The following SESN3 variants were observed in gnomAD, a reference collection of about 807,000 sequenced individuals.
SESN3 encodes sestrin-3.
In SESN3, 21 loss-of-function variants were observed where a neutral mutation model predicts 55.3. That is an observed-to-expected ratio of 0.38 (90% CI 0.27 to 0.55). The LOEUF is 0.55. Ranked by LOEUF, SESN3 falls within the 20% of genes least tolerant of loss-of-function variation. The pLI is 0.76. For synonymous variants in SESN3, 181 were observed against 203.1 expected, an observed-to-expected ratio of 0.89 and a Z score of 0.93; for missense variants, 408 against 604.3, an observed-to-expected ratio of 0.68 and a Z score of 3.41.
intron 1 of SESN3, among the ~76,000 whole-genome samples, chr11:95,201,728 C>T (rs1244837398): frequency 6.6e-6 from 1 of 152,032 alleles, no homozygotes; most frequent in African/African-American, 2.4e-5. Flanking sequence ...CTAGTTAGTC[C>T]TTTAAACTGG....
rs758807296 is a variant in SESN3, at chr11:95,171,086, G to T, written c.*2169C>A. 2.6e-5 allele frequency: 4 copies of T among 151,788 alleles called. No individual in the cohort carries two copies. The highest frequency in any genetic ancestry group is 5.9e-5 in the Non-Finnish European group (4 of 67,928). 9.4% of individuals were successfully genotyped at this position (151,788 alleles called of 1,614,324 possible). ...CATTTTTTATCCTGTTATACAGTTC[G>T]CCTGCACAAAAATATAGGGCTATTA... On this transcript the variant is annotated 3_prime_UTR_variant, in exon 10 of 10. Transcript: ENST00000536441.
chr11:95,216,081 G>A, intron 1 of SESN3, among the ~76,000 whole-genome samples: 1 of 130,224 alleles, frequency 7.7e-6, no homozygotes, highest in Non-Finnish European at 1.6e-5. Flanking sequence ...CTGGGCAACA[G>A]AGAGAGACTC....
chr11:95,189,231 C>G (rs935813173), intron 4 of SESN3, among the ~76,000 whole-genome samples: 1 of 151,858 alleles, frequency 6.6e-6, no homozygotes, highest in Admixed American at 6.6e-5. Context: ...TTCAGAAATA[C>G]AAGTGCTCTT....
At chr11:95,184,772 T>C (rs1346419305) in intron 5 of SESN3, among the ~76,000 whole-genome samples, 178 bp from the exon 6 acceptor site, 1 of 152,086 alleles carries the variant, frequency 6.6e-6, no homozygotes, top group Non-Finnish European at 1.5e-5. Flanking sequence ...TTTTCAGAAG[T>C]ATGATTTTTT....
intron 1 of SESN3, among the ~76,000 whole-genome samples, chr11:95,227,512 A>G (rs993707576): frequency 2.0e-5 from 3 of 152,160 alleles, no homozygotes; most frequent in African/African-American, 7.2e-5. Context: ...TCCTCAATCT[A>G]GTATTTTTCA....
Position 95,167,741 on chromosome 11 carries a change from G to A in SESN3, c.*5514C>T, listed in dbSNP as rs774843336. 6.6e-6 allele frequency: 1 copy of A among 152,074 alleles called. No homozygotes were observed. The highest frequency in any genetic ancestry group is 1.5e-5 in the Non-Finnish European group (1 of 68,008). 9.4% of individuals were successfully genotyped at this position (152,074 alleles called of 1,614,324 possible). A position where few individuals can be genotyped will look rare whatever the true frequency, so the allele number is the denominator to read the frequency against. On this transcript the variant is annotated 3_prime_UTR_variant, in exon 10 of 10. Transcript: ENST00000536441. ...ATAATAATAATCTATACTTTCAAATGGGATGGTTCATCAGGTCAGACAACT... is the reference window on the plus strand; with the variant it reads ...ATAATAATAATCTATACTTTCAAATAGGATGGTTCATCAGGTCAGACAACT...
In SESN3 at chr11:95,165,683, A is replaced by G. The variant is rs1859731354; in HGVS notation, c.*7572T>C. The G allele has an allele frequency of 6.6e-6, 1 of 152,190 alleles. No homozygotes were observed. The highest frequency in any genetic ancestry group is 2.1e-4 in the South Asian group (1 of 4,830). The allele number at this position is 152,190 out of a possible 1,614,324, so 9.4% of individuals were successfully genotyped here. ...TAAATAGATTTTCAAAATGTCATAA[A>G]AAGTGCAGTTATGAATTGTTAACAT... is the stretch of plus-strand genomic sequence containing the variant. On this transcript the variant is annotated 3_prime_UTR_variant, in exon 10 of 10. Coordinates refer to ENST00000536441, the MANE Select transcript of SESN3 (RefSeq NM_144665.4).
intron 2 of SESN3, among the ~76,000 whole-genome samples, chr11:95,192,931 T>C (rs2134236565): frequency 6.7e-6 from 1 of 148,390 alleles, no homozygotes; most frequent in East Asian, 2.0e-4. Context: ...GATACATTAA[T>C]AGATTCATAT....
intron 1 of SESN3, among the ~76,000 whole-genome samples, chr11:95,206,199 T>G (rs1040630588): frequency 3.3e-5 from 5 of 152,142 alleles, no homozygotes; most frequent in Non-Finnish European, 5.9e-5. Context: ...AAGTGTTCTA[T>G]CTTAATGACT....
chr11:95,220,792 A>C (rs1250095022), intron 1 of SESN3, among the ~76,000 whole-genome samples: 3 of 152,178 alleles, frequency 2.0e-5, no homozygotes, highest in Non-Finnish European at 2.9e-5. Flanking sequence ...CTGGTTGCAA[A>C]TCCTAAGTCT....
intron 1 of SESN3, among the ~76,000 whole-genome samples, chr11:95,228,915 A>G (rs1001710586): frequency 1.4e-4 from 21 of 152,236 alleles, no homozygotes; most frequent in Non-Finnish European, 5.9e-5. Context: ...AAGATGTAAT[A>G]TCTTAAATGC....
At chr11:95,229,332 G>GT (rs1389933137) in intron 1 of SESN3, among the ~76,000 whole-genome samples, 1 of 152,152 alleles carries the variant, frequency 6.6e-6, no homozygotes, top group East Asian at 1.9e-4. Context: ...AGCTGAGCAA[G>GT]TATCAACTGT....
intron 1 of SESN3, among the ~76,000 whole-genome samples, chr11:95,219,327 G>GT (rs1157264806): frequency 4.6e-5 from 7 of 151,276 alleles, no homozygotes; most frequent in South Asian, 4.2e-4. Flanking sequence ...TTAGTTTTAA[G>GT]TTTTTTTTTC....
intron 1 of SESN3, among the ~76,000 whole-genome samples, chr11:95,211,321 G>A (rs1483236496): frequency 6.6e-6 from 1 of 152,154 alleles, no homozygotes; most frequent in Non-Finnish European, 1.5e-5. Flanking sequence ...AACCACTGTT[G>A]ATCTCATCTG....
chr11:95,224,994 C>T (rs567947912), intron 1 of SESN3, among the ~76,000 whole-genome samples: 8 of 152,242 alleles, frequency 5.3e-5, no homozygotes, highest in East Asian at 1.9e-4. Context: ...TTTTGTCATA[C>T]GGGGTATTAA....
In SESN3 at chr11:95,166,920, T is replaced by C. The variant is rs1859760762; in HGVS notation, c.*6335A>G. ...CACTAGATATATAGTTTGGATCACTTTCCTTGGTGAACAAGGGTACTATTT... is the reference window on the plus strand; with the variant it reads ...CACTAGATATATAGTTTGGATCACTCTCCTTGGTGAACAAGGGTACTATTT... On this transcript the variant is annotated 3_prime_UTR_variant, in exon 10 of 10. Coordinates refer to ENST00000536441, the MANE Select transcript of SESN3 (RefSeq NM_144665.4). 1 of 152,176 alleles carries C rather than the reference T, an allele frequency of 6.6e-6. No individual in the cohort carries two copies. Among genetic ancestry groups the C allele is most frequent in the South Asian group, 2.1e-4 (1 of 4,828 alleles). The allele number at this position is 152,176 out of a possible 1,614,324, so 9.4% of individuals were successfully genotyped here.
At chr11:95,190,148 G>A (rs1184683535) in intron 3 of SESN3, among the ~76,000 whole-genome samples, 187 bp from the exon 4 acceptor site, 2 of 151,884 alleles carry the variant, frequency 1.3e-5, no homozygotes, top group East Asian at 3.9e-4. Context: ...GCTGATACTT[G>A]TATAAGCAAA....
intron 9 of SESN3, 99 bp from the exon 10 acceptor site, chr11:95,173,440 TAC>T (rs532093347): frequency 4.4e-3 from 2,441 of 560,314 alleles, no homozygotes; most frequent in East Asian, 5.8e-3. Context: ...ATAAGCAATA[TAC>T]ACACACACAC....
rs563322416 is a variant in SESN3, at chr11:95,167,475, C to CCCCATATATATATAT, written c.*5779_*5780insATATATATATATGGG. On this transcript the variant is annotated 3_prime_UTR_variant, in exon 10 of 10. Coordinates refer to ENST00000536441, the MANE Select transcript of SESN3 (RefSeq NM_144665.4). ...TCAGATATTCATTCTGTTTCCCCCC[C>CCCCATATATATATAT]ATATATATAATTTTTCATTCTGTAC... 1.3e-5 allele frequency: 2 copies of CCCCATATATATATAT among 150,936 alleles called. No individual in the cohort carries two copies. The highest frequency in any genetic ancestry group is 5.0e-5 in the African/African-American group (2 of 40,338). The allele number at this position is 150,936 out of a possible 1,614,324, so 9.3% of individuals were successfully genotyped here.
Sources: gnomAD v4.1 joint callset for allele counts (sites outside exome capture counted in the v4.1 genomes callset) on GRCh38, gnomAD v4.1.1 for gene constraint, MANE v1.5 for transcripts, NCBI Gene and HGNC (gene_info 2026-07-23, HGNC 2026-07-21) for gene names.